SEMA6D: variants seen among roughly 807,000 people sequenced by gnomAD.
The protein encoded by SEMA6D is semaphorin-6D.
A neutral mutation model predicts 106.6 loss-of-function variants in SEMA6D; 35 were observed. The ratio of observed to expected loss-of-function variants is 0.33; its 90% confidence interval spans 0.25 to 0.44. The LOEUF (loss-of-function observed/expected upper bound fraction) is 0.44. Ranked by LOEUF, SEMA6D falls within the 20% of genes least tolerant of loss-of-function variation. SEMA6D has a pLI of 1.00. For synonymous variants in SEMA6D, 499 were observed against 487.7 expected (o/e 1.02, Z -0.31); for missense variants, 1,185 against 1,345.9 (o/e 0.88, Z 1.87).
chr15:47,738,554 T>G (rs890851451), intron 1 of SEMA6D, among the ~76,000 whole-genome samples: 5 of 152,180 alleles, frequency 3.3e-5, no homozygotes, highest in African/African-American at 9.6e-5. Flanking sequence ...TAGGGAATTG[T>G]CATAACATCT....
chr15:47,288,507 A>T (rs970553773), intron 1 of SEMA6D, among the ~76,000 whole-genome samples: 3 of 152,224 alleles, frequency 2.0e-5, no homozygotes, highest in Admixed American at 1.3e-4. Flanking sequence ...GTATCTCAGT[A>T]TCACAGTGCT....
At chr15:47,620,979 A>T (rs902669163) in intron 4 of SEMA6D, among the ~76,000 whole-genome samples, 1 of 152,032 alleles carries the variant, frequency 6.6e-6, no homozygotes, top group South Asian at 2.1e-4. Context: ...CCTAATGAAG[A>T]AGAAGAACAC....
chr15:47,717,796 C>CGCGGTGGGGGTCGGAACCT (rs1567014061), intron 1 of SEMA6D, 104 bp downstream of exon 1: 2 of 120,386 alleles, frequency 1.7e-5, no homozygotes, highest in Admixed American at 7.9e-5. Context: ...TGTGTGTGTG[C>CGCGGTGGGGGTCGGAACCT]GCGCGGTGGG....
intron 3 of SEMA6D, among the ~76,000 whole-genome samples, chr15:47,494,256 T>C (rs778159931): frequency 3.3e-5 from 5 of 152,078 alleles, no homozygotes; most frequent in Admixed American, 6.6e-5. Context: ...AACGGTGCAG[T>C]TTTGATGGCT....
intron 4 of SEMA6D, among the ~76,000 whole-genome samples, chr15:47,688,977 T>G (rs2078528376): frequency 6.6e-6 from 1 of 152,206 alleles, no homozygotes; most frequent in African/African-American, 2.4e-5. Flanking sequence ...AAACCAATTT[T>G]GAATCATGGA....
intron 4 of SEMA6D, among the ~76,000 whole-genome samples, chr15:47,620,697 T>C: frequency 8.1e-6 from 1 of 123,058 alleles, no homozygotes; most frequent in East Asian, 2.1e-4. Context: ...CTTTAAAATA[T>C]ATATATATAT....
chr15:47,378,032 A>G (rs939359100), intron 1 of SEMA6D, among the ~76,000 whole-genome samples: 1 of 152,166 alleles, frequency 6.6e-6, no homozygotes, highest in African/African-American at 2.4e-5. Context: ...CCATACTTGA[A>G]CCGTGAAAGT....
intron 1 of SEMA6D, among the ~76,000 whole-genome samples, chr15:47,341,764 C>T (rs372726297): frequency 1.4e-4 from 21 of 152,266 alleles, no homozygotes; most frequent in African/African-American, 4.8e-4. Flanking sequence ...AGAGTAAACT[C>T]TATAGCTATA....
chr15:47,553,095 G>A (rs1275443220), intron 3 of SEMA6D, among the ~76,000 whole-genome samples: 2 of 149,696 alleles, frequency 1.3e-5, no homozygotes. Flanking sequence ...TTAGAGACAG[G>A]GTTTCACTAT....
intron 4 of SEMA6D, among the ~76,000 whole-genome samples, chr15:47,705,315 T>C (rs1213519870): frequency 2.6e-5 from 4 of 152,202 alleles, no homozygotes; most frequent in Non-Finnish European, 5.9e-5. Context: ...CTAACTTTAA[T>C]TTAGGGTTTT....
Position 47,763,944 on chromosome 15 carries a change from G to T in SEMA6D, c.842G>T (p.Arg281Leu). ...EKHWTSFLKA[R>L]LNCSVPGDSF... ...CACTGGACTTCATTTCTAAAGGCTC[G>T]GCTGAACTGTTCTGTCCCTGGAGAT... Residue 281 changes from arginine to leucine, a missense_variant, in exon 10 of 19, where the codon CGG (arginine) becomes CTG (leucine). By Grantham distance (102) the Arg-to-Leu change is moderately radical. This residue lies in a region of SEMA6D where 291 missense variants were observed against 423.8 expected (regional missense o/e 0.69). Transcript: ENST00000536845. 6.2e-7 allele frequency: 1 copy of T among 1,613,950 alleles called. No homozygotes were observed. Among genetic ancestry groups the T allele is most frequent in the Non-Finnish European group, 8.5e-7 (1 of 1,179,880 alleles).
At chr15:47,696,471 G>A (rs955696179) in intron 4 of SEMA6D, among the ~76,000 whole-genome samples, 11 of 152,196 alleles carry the variant, frequency 7.2e-5, no homozygotes, top group Non-Finnish European at 1.2e-4. Flanking sequence ...GGGGCTGTGG[G>A]GAAGGAGAGA....
intron 1 of SEMA6D, among the ~76,000 whole-genome samples, chr15:47,373,543 T>TGA (rs901013658): frequency 6.6e-5 from 10 of 152,122 alleles, no homozygotes; most frequent in African/African-American, 2.4e-4. Context: ...GATGAGAAAG[T>TGA]GAGAAAGGGA....
At chr15:47,765,300 A>T in intron 13 of SEMA6D, 1 of 1,278,884 alleles carries the variant, frequency 7.8e-7, no homozygotes. Flanking sequence ...GTAGAATATG[A>T]GAACATTTTA....
chr15:47,689,216 T>C (rs146959932), intron 4 of SEMA6D, among the ~76,000 whole-genome samples: 233 of 152,336 alleles, frequency 1.5e-3, no homozygotes, highest in African/African-American at 5.2e-3. Flanking sequence ...TCTTAAAATA[T>C]ATCCTTCTTG....
At chr15:47,334,544 C>T (rs2037474788) in intron 1 of SEMA6D, among the ~76,000 whole-genome samples, 1 of 152,158 alleles carries the variant, frequency 6.6e-6, no homozygotes, top group African/African-American at 2.4e-5. Flanking sequence ...TGGGAAAATC[C>T]TCCACACATT....
intron 1 of SEMA6D, among the ~76,000 whole-genome samples, chr15:47,212,257 A>G (rs2030100747): frequency 6.6e-6 from 1 of 152,320 alleles, no homozygotes; most frequent in Non-Finnish European, 1.5e-5. Flanking sequence ...ACTTATGACA[A>G]TGGCAGTGCA....
intron 1 of SEMA6D, among the ~76,000 whole-genome samples, chr15:47,315,104 G>A (rs1166554564): frequency 6.6e-6 from 1 of 151,772 alleles, no homozygotes; most frequent in Non-Finnish European, 1.5e-5. Flanking sequence ...CTGACCTCGT[G>A]ATCCGCCTGC....
chr15:47,592,495 T>C (rs2076457328), intron 3 of SEMA6D, among the ~76,000 whole-genome samples: 2 of 152,324 alleles, frequency 1.3e-5, no homozygotes, highest in African/African-American at 4.8e-5. Context: ...CCCATTTTCC[T>C]CAATGTTAAT....
Sources: gnomAD v4.1 joint callset for allele counts (sites outside exome capture counted in the v4.1 genomes callset) on GRCh38, gnomAD v4.1.1 for gene constraint, gnomAD v4.1.1 regional missense constraint, MANE v1.5 for transcripts, NCBI Gene and HGNC (gene_info 2026-07-23, HGNC 2026-07-21) for gene names.